The following DPP10 variants were observed in gnomAD, a reference collection of about 807,000 sequenced individuals.
DPP10 encodes the protein inactive dipeptidyl peptidase 10.
A neutral mutation model predicts 120.9 loss-of-function variants in DPP10; 33 were observed. That is an observed-to-expected ratio of 0.27 (90% CI 0.21 to 0.37). The LOEUF is 0.37. Ranked by LOEUF, DPP10 falls within the 10% of genes least tolerant of loss-of-function variation. The pLI is 1.00. For missense variants in DPP10, 816 were observed against 942.8 expected, an observed-to-expected ratio of 0.87 and a Z score of 1.76; for synonymous variants, 337 against 326.1, an observed-to-expected ratio of 1.03 and a Z score of -0.36.
chr2:114,963,428 G>C (rs1698790940), intron 1 of DPP10, among the ~76,000 whole-genome samples: 1 of 152,072 alleles, frequency 6.6e-6, no homozygotes, highest in Admixed American at 6.5e-5. Flanking sequence ...CCAAGGAAAA[G>C]GACAAAATAA....
chr2:115,210,895 T>C (rs1469437443), intron 1 of DPP10, among the ~76,000 whole-genome samples: 1 of 152,124 alleles, frequency 6.6e-6, no homozygotes, highest in Non-Finnish European at 1.5e-5. Flanking sequence ...GTGCGTCCTC[T>C]TCTCTATTAA....
chr2:115,712,539 A>ATTTTAT (rs1398073048), intron 7 of DPP10, among the ~76,000 whole-genome samples: 2,861 of 9,508 alleles, frequency 0.3, 356 homozygotes, highest in Middle Eastern at 0.5. Flanking sequence ...AGAGTCCTGA[A>ATTTTAT]TTAAATATAT....
In DPP10 at chr2:115,712,539, A is replaced by AC. The variant is rs2092352993; in HGVS notation, c.577-15277_577-15276insC. Among the ~76,000 whole-genome samples the AC allele has an allele frequency of 5.1e-4, 5 of 9,870 alleles. 1 individual carries two copies. In the Non-Finnish European group the frequency reaches 0.014, roughly 27 times the overall value. 6.5% of individuals were successfully genotyped at this position (9,870 alleles called of 152,430 possible). ...TAGAAATAGCTTTGAAGAGTCCTGA[A>AC]TTAAATATATATATATATATATATA... is the stretch of plus-strand genomic sequence containing the variant. On this transcript the variant is annotated intron_variant, in intron 7 of 25. Transcript: ENST00000410059.
At chr2:115,395,860 C>T (rs978923016) in intron 3 of DPP10, among the ~76,000 whole-genome samples, 3 of 151,822 alleles carry the variant, frequency 2.0e-5, no homozygotes, top group African/African-American at 7.3e-5. Context: ...TATTTTGTAT[C>T]TTCATATGTG....
At chr2:114,474,901 A>T (rs956889) in intron 1 of DPP10, among the ~76,000 whole-genome samples, 9,432 of 152,278 alleles carry the variant, frequency 0.062, 505 homozygotes, top group African/African-American at 0.14. Flanking sequence ...CTGCATTCTG[A>T]GCCTTGACAG....
At chr2:115,659,002 T>A in intron 5 of DPP10, among the ~76,000 whole-genome samples, 1 of 152,248 alleles carries the variant, frequency 6.6e-6, no homozygotes, top group South Asian at 2.1e-4. Flanking sequence ...TGTTGAGAAG[T>A]GGGACCTTTC....
At chr2:114,645,519 T>C (rs1482296926) in intron 1 of DPP10, among the ~76,000 whole-genome samples, 2 of 152,194 alleles carry the variant, frequency 1.3e-5, no homozygotes, top group Non-Finnish European at 2.9e-5. Flanking sequence ...TGGGTGAATG[T>C]TTTCTCTCCA....
At chr2:115,234,709 T>C (rs1359789082) in intron 1 of DPP10, 3 of 152,224 alleles carry the variant, frequency 2.0e-5, no homozygotes, top group Non-Finnish European at 2.9e-5. Flanking sequence ...TACATGCTTG[T>C]TGTTTAAAAA....
intron 9 of DPP10, among the ~76,000 whole-genome samples, chr2:115,742,147 A>T (rs1189117839): frequency 6.6e-6 from 1 of 152,080 alleles, no homozygotes; most frequent in Non-Finnish European, 1.5e-5. Context: ...TTTACAAATG[A>T]GCAAATAGAT....
intron 12 of DPP10, 120 bp downstream of exon 12, chr2:115,762,730 A>T: frequency 1.8e-6 from 2 of 1,105,518 alleles, no homozygotes; most frequent in Non-Finnish European, 1.3e-6. Context: ...TGACAGAGTG[A>T]TCCTTTTTCA....
At chr2:114,748,352 T>TA (rs1432741921) in intron 1 of DPP10, among the ~76,000 whole-genome samples, 7 of 108,988 alleles carry the variant, frequency 6.4e-5, no homozygotes, top group Non-Finnish European at 3.8e-5. Flanking sequence ...TTTTTTTTTA[T>TA]TTTTTTTTAT....
intron 1 of DPP10, among the ~76,000 whole-genome samples, chr2:114,977,009 A>G (rs776247512): frequency 9.9e-5 from 15 of 152,132 alleles, no homozygotes; most frequent in Non-Finnish European, 1.9e-4. Flanking sequence ...CTATGCCAGC[A>G]GCTTGATAGT....
intron 1 of DPP10, among the ~76,000 whole-genome samples, chr2:114,622,078 T>G (rs935345139): frequency 1.3e-5 from 2 of 152,080 alleles, no homozygotes; most frequent in Middle Eastern, 3.4e-3. Flanking sequence ...AGACTAATAC[T>G]AACCAGATTT....
intron 5 of DPP10, among the ~76,000 whole-genome samples, chr2:115,536,811 T>G (rs1266452989): frequency 6.6e-6 from 1 of 152,068 alleles, no homozygotes; most frequent in Non-Finnish European, 1.5e-5. Flanking sequence ...AGTGCAAATA[T>G]CTAAGCTCAA....
intron 17 of DPP10, among the ~76,000 whole-genome samples, chr2:115,787,591 T>C (rs576952096): frequency 1.0e-3 from 158 of 152,268 alleles, no homozygotes; most frequent in Middle Eastern, 0.01. Context: ...AAATTAACCA[T>C]AGGCCAGTAT....
intron 5 of DPP10, among the ~76,000 whole-genome samples, chr2:115,608,803 T>A (rs1387251156): frequency 6.6e-6 from 1 of 151,998 alleles, no homozygotes; most frequent in African/African-American, 2.4e-5. Flanking sequence ...CAAAATGAAA[T>A]TTTAAAAATT....
chr2:115,575,766 A>T (rs1340814060), intron 5 of DPP10, among the ~76,000 whole-genome samples: 1 of 152,192 alleles, frequency 6.6e-6, no homozygotes, highest in Non-Finnish European at 1.5e-5. Flanking sequence ...ATACTGGATT[A>T]TCCAGGTGGG....
intron 5 of DPP10, among the ~76,000 whole-genome samples, chr2:115,675,426 AG>A (rs1456358139): frequency 2.4e-5 from 3 of 126,248 alleles, no homozygotes; most frequent in Non-Finnish European, 5.1e-5. Context: ...TCCACAAAGA[AG>A]AACCATAACA....
chr2:115,233,932 T>G, intron 1 of DPP10: 1 of 518,388 alleles, frequency 1.9e-6, no homozygotes, highest in Non-Finnish European at 3.9e-6. Context: ...CAGGTGGATT[T>G]AAAGCTTAGA....
Sources: allele counts gnomAD v4.1 joint callset (sites outside exome capture counted in the v4.1 genomes callset), GRCh38; gene constraint gnomAD v4.1.1; transcripts MANE v1.5; gene names NCBI Gene and HGNC (gene_info 2026-07-23, HGNC 2026-07-21).